PCDH15: variants seen among roughly 807,000 people sequenced by gnomAD.
The protein encoded by PCDH15 is protocadherin-15.
Under a neutral mutation model 178.5 loss-of-function variants are expected in PCDH15, and 129 were observed. The ratio of observed to expected loss-of-function variants is 0.72; its 90% confidence interval spans 0.63 to 0.84. The LOEUF is 0.84. Among genes scored for constraint, PCDH15 ranks in the 40% least tolerant of loss-of-function variants. The pLI is 0.00. For synonymous variants in PCDH15, 800 were observed against 732.0 expected, an observed-to-expected ratio of 1.09 and a Z score of -1.50; for missense variants, 2,230 against 2,099.9, an observed-to-expected ratio of 1.06 and a Z score of -1.21.
chr10:55,167,040 T>A (rs145972612), intron 1 of PCDH15, among the ~76,000 whole-genome samples: 2 of 152,334 alleles, frequency 1.3e-5, no homozygotes, highest in East Asian at 3.9e-4. Flanking sequence ...TGATGTTTTA[T>A]GATATGGTGT....
rs1468084834 is a variant in PCDH15, at chr10:53,822,827, C to T, written c.4368-2597G>A. 25 of 1,614,084 alleles carry T rather than the reference C, an allele frequency of 1.5e-5. No individual in the cohort carries two copies. Among genetic ancestry groups the T allele is most frequent in the Non-Finnish European group, 2.0e-5 (24 of 1,179,962 alleles). On this transcript the variant is annotated intron_variant, in intron 32 of 37. Coordinates refer to ENST00000644397, the MANE Select transcript of PCDH15 (RefSeq NM_001384140.1). ...CTTGCCTTATTTCCTCTTTCTCTGTCAAATTTGCCTCTTCAGTTGTAAGCA... is the reference window on the plus strand; with the variant it reads ...CTTGCCTTATTTCCTCTTTCTCTGTTAAATTTGCCTCTTCAGTTGTAAGCA...
At chr10:54,965,899 T>A (rs1175416756) in intron 2 of PCDH15, among the ~76,000 whole-genome samples, 1 of 150,826 alleles carries the variant, frequency 6.6e-6, no homozygotes, top group Non-Finnish European at 1.5e-5. Context: ...TATGCACACA[T>A]ATAATATATT....
At chr10:54,907,171 TG>T (rs1728042040) in intron 2 of PCDH15, among the ~76,000 whole-genome samples, 1 of 152,176 alleles carries the variant, frequency 6.6e-6, no homozygotes, top group African/African-American at 2.4e-5. Context: ...TATATTTCTC[TG>T]GGGAAAACAG....
intron 1 of PCDH15, among the ~76,000 whole-genome samples, chr10:54,747,154 G>C (rs1003138895): frequency 6.6e-6 from 1 of 152,096 alleles, no homozygotes; most frequent in Non-Finnish European, 1.5e-5. Flanking sequence ...CAATTGTTTA[G>C]AAAAACCATC....
intron 3 of PCDH15, among the ~76,000 whole-genome samples, chr10:54,872,197 AAG>A (rs1200432197): frequency 1.3e-5 from 2 of 151,946 alleles, no homozygotes; most frequent in Non-Finnish European, 2.9e-5. Flanking sequence ...AAGGAGAAAA[AAG>A]ATAAATTATA....
chr10:54,193,199 T>C (rs2133897054), intron 11 of PCDH15, among the ~76,000 whole-genome samples: 1 of 152,290 alleles, frequency 6.6e-6, no homozygotes, highest in Non-Finnish European at 1.5e-5. Context: ...CTACTGTCTT[T>C]TACAAAGTTC....
At chr10:55,438,968 G>A (rs999757076) in intron 2 of PCDH15, among the ~76,000 whole-genome samples, 5 of 151,352 alleles carry the variant, frequency 3.3e-5, no homozygotes, top group Admixed American at 6.6e-5. Context: ...GCACGATCTC[G>A]GCTCACTACA....
intron 2 of PCDH15, among the ~76,000 whole-genome samples, chr10:55,602,851 A>G (rs370221508): frequency 3.3e-4 from 50 of 152,306 alleles, no homozygotes; most frequent in African/African-American, 1.1e-3. Flanking sequence ...CCAAAGGAAC[A>G]CAGTTCCTCA....
At chr10:55,587,118 T>C (rs1842740004) in intron 2 of PCDH15, among the ~76,000 whole-genome samples, 1 of 151,832 alleles carries the variant, frequency 6.6e-6, no homozygotes, top group African/African-American at 2.4e-5. Context: ...CTTTTTTGTA[T>C]TGTTAACAGG....
At position 53,997,821 on chromosome 10, in the gene PCDH15, T is replaced by C. The variant is rs7905477; in HGVS notation, c.2752-2056A>G. The stretch of plus-strand genomic sequence containing the variant: ...GGTTCTCTTCCCCCTTTATTTTCTA[T>C]TGACAGGATGAAGAATAAATTAATG... On this transcript the variant is annotated intron_variant, in intron 20 of 37. Transcript: ENST00000644397. Among the ~76,000 whole-genome samples, 1,140 of 152,274 alleles carry C rather than the reference T, an allele frequency of 7.5e-3. 11 individuals carry two copies. The highest frequency in any genetic ancestry group is 0.026 in the African/African-American group (1,061 of 41,542).
At chr10:55,578,625 T>C (rs1465843813) in intron 2 of PCDH15, among the ~76,000 whole-genome samples, 1 of 152,202 alleles carries the variant, frequency 6.6e-6, no homozygotes, top group Non-Finnish European at 1.5e-5. Context: ...TTTAATTCAA[T>C]GTGTGTATTA....
intron 2 of PCDH15, among the ~76,000 whole-genome samples, chr10:54,622,539 C>T (rs1219256651): frequency 1.8e-5 from 1 of 55,730 alleles, no homozygotes; most frequent in African/African-American, 6.2e-5. Flanking sequence ...ATTCCAAACC[C>T]TTGCTGTCAA....
chr10:54,383,888 G>A (rs1025444400), intron 3 of PCDH15, among the ~76,000 whole-genome samples: 3 of 151,724 alleles, frequency 2.0e-5, no homozygotes, highest in South Asian at 2.1e-4. Context: ...GCGCAATCTC[G>A]GCTCACTGCA....
intron 1 of PCDH15, among the ~76,000 whole-genome samples, chr10:54,783,945 G>A (rs1352864326): frequency 6.6e-6 from 1 of 152,064 alleles, no homozygotes; most frequent in Non-Finnish European, 1.5e-5. Flanking sequence ...GCCTGGCTAG[G>A]GAGGCATCAG....
intron 35 of PCDH15, among the ~76,000 whole-genome samples, chr10:53,811,970 C>T (rs148629376): frequency 0.026 from 4,014 of 152,188 alleles, 72 homozygotes; most frequent in Non-Finnish European, 0.037. Flanking sequence ...TAATATTTAA[C>T]TCAATTTTAA....
chr10:55,350,257 A>ATATATATG lies in PCDH15; in HGVS notation c.-155-183607_-155-183606insCATATATA, dbSNP rs1554855936. 3.0e-4 allele frequency among the ~76,000 whole-genome samples: 20 copies of ATATATATG among 67,098 alleles called. 1 individual carries two copies. Among genetic ancestry groups the ATATATATG allele is most frequent in the African/African-American group, 1.4e-3 (20 of 13,794 alleles). 44.0% of individuals were successfully genotyped at this position (67,098 alleles called of 152,430 possible). A position where few individuals can be genotyped will look rare whatever the true frequency, so the allele number is the denominator to read the frequency against. On this transcript the variant is annotated intron_variant, in intron 2 of 5. Coordinates refer to the PCDH15 transcript ENST00000613346. ...TATATATATATATATATATATATAT[A>ATATATATG]TATATATATATACACACACACACAC...
At chr10:54,027,310 A>G (rs1274554136) in intron 18 of PCDH15, among the ~76,000 whole-genome samples, 5 of 151,086 alleles carry the variant, frequency 3.3e-5, no homozygotes, top group Admixed American at 3.3e-4. Context: ...CAAATGGAAG[A>G]ACATTCCATG....
intron 2 of PCDH15, among the ~76,000 whole-genome samples, chr10:55,603,734 C>G (rs1443088154): frequency 1.4e-5 from 2 of 148,068 alleles, no homozygotes; most frequent in African/African-American, 5.0e-5. Context: ...TAAAAGAGCT[C>G]CTGAAGGAAG....
At chr10:55,135,491 G>T (rs1303360063) in intron 2 of PCDH15, among the ~76,000 whole-genome samples, 1 of 150,194 alleles carries the variant, frequency 6.7e-6, no homozygotes, top group African/African-American at 2.4e-5. Context: ...GCTGTCTCAA[G>T]CCATTTTCAG....
Sources: allele counts gnomAD v4.1 joint callset (sites outside exome capture counted in the v4.1 genomes callset), GRCh38; gene constraint gnomAD v4.1.1; transcripts MANE v1.5; gene names NCBI Gene and HGNC (gene_info 2026-07-23, HGNC 2026-07-21).